SMARCA2: variants seen among roughly 807,000 people sequenced by gnomAD.
The protein encoded by SMARCA2 is SWI/SNF-related matrix-associated actin-dependent regulator of chromatin subfamily A member 2.
Under a neutral mutation model 199.8 loss-of-function variants are expected in SMARCA2, and 61 were observed. The ratio of observed to expected loss-of-function variants is 0.31; its 90% CI spans 0.25 to 0.38. The LOEUF (loss-of-function observed/expected upper bound fraction) is 0.38. Ranked by LOEUF, SMARCA2 falls within the 10% of genes least tolerant of loss-of-function variation. SMARCA2 has a pLI of 1.00. For synonymous variants in SMARCA2, 935 were observed against 732.0 expected (o/e 1.28, Z -4.48); for missense variants, 1,344 against 2,012.2 (o/e 0.67, Z 6.35).
chr9:2,081,753 C>A (rs1178317631), intron 14 of SMARCA2, 79 bp from the exon 15 acceptor site: 4 of 1,324,624 alleles, frequency 3.0e-6, no homozygotes, highest in Non-Finnish European at 4.2e-6. Context: ...GTTAAGAAGT[C>A]ACACCCTCAC....
chr9:2,174,924 C>CAAAAAAA lies in SMARCA2; in HGVS notation c.4253+4474_4253+4480dup, dbSNP rs61327057. On this transcript the variant is annotated intron_variant, in intron 29 of 33. Transcript: ENST00000349721. Reference sequence around the variant, plus strand: ...TGGGGGACAGAGTGAGACCCTCTCTCAAAAAAAAAAAAAAAAAAAAAAAAA... The same window carrying CAAAAAAA: ...TGGGGGACAGAGTGAGACCCTCTCTCAAAAAAAAAAAAAAAAAAAAAAAAAAAAAAAA... Among the ~76,000 whole-genome samples, 455 of 62,292 alleles carry CAAAAAAA rather than the reference C, an allele frequency of 7.3e-3. 16 individuals carry two copies. Among genetic ancestry groups the CAAAAAAA allele is most frequent in the Non-Finnish European group, 9.1e-3 (324 of 35,708 alleles). The allele number at this position is 62,292 out of a possible 152,430, so 40.9% of individuals were successfully genotyped here.
rs1453955733 is a variant in SMARCA2 at position 2,101,605 on chromosome 9, G to A, written c.3114G>A (p.Gly1038=). 6.5e-7 allele frequency: 1 copy of A among 1,542,242 alleles called. No homozygotes were observed. The highest frequency in any genetic ancestry group is 1.8e-5 in the Admixed American group (1 of 56,248). Residue 1038 remains glycine (G), a synonymous_variant, in exon 22 of 34, where the codon GGG becomes GGA. Coordinates refer to ENST00000349721, the MANE Select transcript of SMARCA2 (RefSeq NM_003070.5). ...CTGAACACCTAGGCTATTCAAATGG[G>A]GTCATCAATGGGTAAATCTCAAATT... ...SFAEHLGYSN[G]VINGAELYRA...
At chr9:2,091,796 TC>T (rs1378817481) in intron 19 of SMARCA2, among the ~76,000 whole-genome samples, 1 of 152,192 alleles carries the variant, frequency 6.6e-6, no homozygotes, top group African/African-American at 2.4e-5. Flanking sequence ...TTTTAGCCAT[TC>T]AATAGGTGCA....
chr9:2,078,303 C>T (rs1176537677), intron 14 of SMARCA2, among the ~76,000 whole-genome samples: 1 of 152,050 alleles, frequency 6.6e-6, no homozygotes, highest in African/African-American at 2.4e-5. Context: ...GAAACCCTCT[C>T]TCTACTAAAA....
intron 3 of SMARCA2, among the ~76,000 whole-genome samples, chr9:2,036,299 A>G (rs1372117207): frequency 6.6e-6 from 1 of 152,108 alleles, no homozygotes; most frequent in Non-Finnish European, 1.5e-5. Flanking sequence ...CTCTGAGGCA[A>G]GGTGAAACTG....
At chr9:2,076,910 T>C (rs1387875494) in intron 13 of SMARCA2, among the ~76,000 whole-genome samples, 1 of 152,180 alleles carries the variant, frequency 6.6e-6, no homozygotes, top group African/African-American at 2.4e-5. Flanking sequence ...TGTATAGCTG[T>C]ACTATTAAAA....
chr9:2,121,369 C>A (rs891314525), intron 26 of SMARCA2, among the ~76,000 whole-genome samples: 1 of 152,202 alleles, frequency 6.6e-6, no homozygotes, highest in Non-Finnish European at 1.5e-5. Flanking sequence ...GAATTTTCTG[C>A]TGGTTTCTTA....
chr9:2,037,422 G>A (rs941190123), intron 3 of SMARCA2, among the ~76,000 whole-genome samples: 1 of 152,126 alleles, frequency 6.6e-6, no homozygotes, highest in South Asian at 2.1e-4. Context: ...TTACCTTTAG[G>A]GCAGGATTCT....
At position 2,039,343 on chromosome 9, in the gene SMARCA2, T is replaced by A; in HGVS notation, c.356-123T>A. On this transcript the variant is annotated intron_variant, in intron 3 of 33. Transcript: ENST00000349721. The surrounding 1 kb of genome is among the most constrained non-coding windows in gnomAD (Gnocchi z 4.8). ...TCTTAAACTCCATATAATTAATAAATGATATGTCATTCAAATTTCTGTCAG... is the reference window on the plus strand; with the variant it reads ...TCTTAAACTCCATATAATTAATAAAAGATATGTCATTCAAATTTCTGTCAG... 2.4e-6 allele frequency: 2 copies of A among 827,364 alleles called. No homozygotes were observed. Among genetic ancestry groups the A allele is most frequent in the South Asian group, 3.6e-5 (2 of 55,216 alleles). 51.3% of individuals were successfully genotyped at this position (827,364 alleles called of 1,614,324 possible).
intron 11 of SMARCA2, 89 bp downstream of exon 11, chr9:2,073,431 C>G (rs898075041): frequency 6.4e-7 from 1 of 1,552,210 alleles, no homozygotes; most frequent in East Asian, 2.3e-5. Flanking sequence ...ACTACACAGC[C>G]TTTGCTGAGA....
In SMARCA2 at chr9:2,186,282, C is replaced by G. The variant is rs1408561554; in HGVS notation, c.4594+54C>G. 1.2e-5 allele frequency: 18 copies of G among 1,548,250 alleles called. No individual in the cohort carries two copies. The East Asian group carries it at 4.2e-4, about 36-fold the overall frequency. On this transcript the variant is annotated intron_variant, in intron 32 of 33. Transcript: ENST00000349721. ...TCTTTGCCCCTCCTCACCTGCATAG[C>G]TGTCTCCACAGATGTTCACAGAAGA...
At chr9:2,126,144 T>C (rs987025709) in intron 27 of SMARCA2, among the ~76,000 whole-genome samples, 1 of 152,242 alleles carries the variant, frequency 6.6e-6, no homozygotes, top group African/African-American at 2.4e-5. Flanking sequence ...TCTAGTAAAC[T>C]TCCTTTTATC....
intron 29 of SMARCA2, among the ~76,000 whole-genome samples, chr9:2,179,632 A>C (rs1029494154): frequency 1.3e-5 from 2 of 152,162 alleles, no homozygotes; most frequent in Non-Finnish European, 2.9e-5. Context: ...TTGTTGCACT[A>C]TCGGTCACAA....
Position 2,170,451 on chromosome 9 carries a change from A to G in SMARCA2, c.4232A>G (p.Gln1411Arg), listed in dbSNP as rs1235219012. 2 of 1,614,026 alleles carry G rather than the reference A, an allele frequency of 1.2e-6. No individual in the cohort carries two copies. The highest frequency in any genetic ancestry group is 2.2e-5 in the East Asian group (1 of 44,888). Residue 1411 changes from glutamine (Q) to arginine (R), a missense_variant, in exon 29 of 34, where the codon CAG (glutamine) becomes CGG (arginine). Transcript: ENST00000349721. The surrounding 1 kb of genome is among the most constrained non-coding windows in gnomAD (Gnocchi z 4.7). The part of the protein sequence containing the change: ...CNVEKVPSNS[Q>R]LEIEGNSSGR... ...GTGGAGAAGGTGCCCAGTAATTCTC[A>G]GTTGGAAATAGAAGGAAACAGGTCA... is the stretch of plus-strand genomic sequence containing the variant.
rs1375798725 is a variant in SMARCA2, at chr9:2,115,127, T to G, written c.3457-695T>G. Among the ~76,000 whole-genome samples the G allele has an allele frequency of 7.1e-6, 1 of 140,228 alleles. No homozygotes were observed. The highest frequency in any genetic ancestry group is 3.1e-5 in the African/African-American group (1 of 31,746). 92.0% of individuals were successfully genotyped at this position (140,228 alleles called of 152,430 possible). On this transcript the variant is annotated intron_variant, in intron 24 of 33. Transcript: ENST00000349721. The surrounding 1 kb of genome is among the most constrained non-coding windows in gnomAD (Gnocchi z 6.0). ...TCTAAATCTTTGTGCATATCTATGATTATTTGTTTAGGATACATTTCCGAA... is the reference window on the plus strand; with the variant it reads ...TCTAAATCTTTGTGCATATCTATGAGTATTTGTTTAGGATACATTTCCGAA...
chr9:2,082,067 G>T, intron 15 of SMARCA2, 72 bp downstream of exon 15: 4 of 1,269,782 alleles, frequency 3.2e-6, no homozygotes, highest in Non-Finnish European at 4.4e-6. Context: ...GCTTGTCCTT[G>T]TTTTTTACTT....
rs1483784058 is a variant in SMARCA2 at position 2,123,561 on chromosome 9, G to C, written c.3763-158G>C. 6.6e-6 allele frequency among the ~76,000 whole-genome samples: 1 copy of C among 152,182 alleles called. No individual in the cohort carries two copies. The highest frequency in any genetic ancestry group is 2.4e-5 in the African/African-American group (1 of 41,438). ...TTTTACTTAATGGAATCTCTCCCTA[G>C]ATATTTAGGGATGAGCTAGAACAAG... On this transcript the variant is annotated intron_variant, in intron 26 of 33. Transcript: ENST00000349721. This position sits in a 1 kb window ranked among gnomAD's most constrained non-coding sequence, Gnocchi z 4.1.
chr9:2,129,140 CA>C (rs1210236113), intron 27 of SMARCA2, among the ~76,000 whole-genome samples: 2 of 152,158 alleles, frequency 1.3e-5, no homozygotes, highest in African/African-American at 4.8e-5. Context: ...AGAACTAGGC[CA>C]GGCACTGTGG....
chr9:2,025,913 C>G (rs144144368), intron 1 of SMARCA2, among the ~76,000 whole-genome samples: 7 of 152,274 alleles, frequency 4.6e-5, no homozygotes, highest in Non-Finnish European at 1.0e-4. Flanking sequence ...CCTAGGGCAG[C>G]CCTGATTTTG....
Sources: allele counts gnomAD v4.1 joint callset (sites outside exome capture counted in the v4.1 genomes callset), GRCh38; gene constraint gnomAD v4.1.1; non-coding constraint Gnocchi (gnomAD v3.1); transcripts MANE v1.5; gene names NCBI Gene and HGNC (gene_info 2026-07-23, HGNC 2026-07-21).